The following TRAP1 variants were observed in gnomAD, a reference collection of about 807,000 sequenced individuals.
The protein encoded by TRAP1 is heat shock protein 75 kDa, mitochondrial.
Under a neutral mutation model 89.1 loss-of-function variants are expected in TRAP1, and 102 were observed. The observed-to-expected ratio is 1.15, with a 90% confidence interval of 0.98 to 1.35. The LOEUF is 1.35. Among genes scored for constraint, TRAP1 ranks in the 40% most tolerant of loss-of-function variants. The pLI is 0.00. For missense variants in TRAP1, 1,256 were observed against 945.3 expected, an observed-to-expected ratio of 1.33 and a Z score of -4.31; for synonymous variants, 508 against 388.0, an observed-to-expected ratio of 1.31 and a Z score of -3.64.
At chr16:3,712,260 G>A (rs147972001) in intron 1 of TRAP1, among the ~76,000 whole-genome samples, 1 of 111,656 alleles carries the variant, frequency 9.0e-6, no homozygotes, top group East Asian at 3.1e-4. Flanking sequence ...CTGCACTTCA[G>A]CCTGGCGACA....
intron 16 of TRAP1, chr16:3,659,720 T>C (rs1018561545): frequency 1.3e-5 from 2 of 151,682 alleles, no homozygotes; most frequent in African/African-American, 2.4e-5. Flanking sequence ...TTCCATTTCC[T>C]AACTGCATCC....
chr16:3,689,393 T>C (rs1013084671), intron 2 of TRAP1, among the ~76,000 whole-genome samples: 5 of 152,078 alleles, frequency 3.3e-5, no homozygotes, highest in African/African-American at 4.8e-5. Flanking sequence ...TACAGGTGCC[T>C]GCCACCACGC....
At chr16:3,662,747 G>C (rs1596689400) in intron 15 of TRAP1, 135 bp downstream of exon 15, 1 of 808,672 alleles carries the variant, frequency 1.2e-6, no homozygotes, top group Non-Finnish European at 2.1e-6. Context: ...GGACCCACAG[G>C]GTCTCCACCT....
At chr16:3,679,412 C>T (rs1168772082) in intron 5 of TRAP1, among the ~76,000 whole-genome samples, 1 of 152,144 alleles carries the variant, frequency 6.6e-6, no homozygotes, top group Non-Finnish European at 1.5e-5. Flanking sequence ...TTATAACTAA[C>T]CTAGAGACCA....
chr16:3,659,776 G>A (rs561521501), intron 16 of TRAP1: 1 of 149,686 alleles, frequency 6.7e-6, no homozygotes, highest in Admixed American at 6.7e-5. Flanking sequence ...TAGATAGATA[G>A]ATAGACTCTC....
chr16:3,664,457 C>T lies in TRAP1; in HGVS notation c.1386G>A (p.Glu462=), dbSNP rs144397127. 5.0e-6 allele frequency: 8 copies of T among 1,608,688 alleles called. No individual in the cohort carries two copies. The highest frequency in any genetic ancestry group is 6.8e-6 in the Non-Finnish European group (8 of 1,178,034). The change falls in exon 13 of 18, where the codon GAG becomes GAA. Residue 462 remains glutamate (E), a splice_region_variant and synonymous_variant. Coordinates refer to ENST00000246957, the MANE Select transcript of TRAP1 (RefSeq NM_016292.3). ...IVTATEQEVK[E]DIAKLLRYES... ...CGTAGCGCAGCAGCTTTGCTATGTC[C>T]TCCTAGAAGGGACGGGGCAGGTCAC...
At position 3,705,517 on chromosome 16, in the gene TRAP1, C is replaced by A. The variant is rs562204929; in HGVS notation, c.88+11904G>T. 5.9e-5 allele frequency among the ~76,000 whole-genome samples: 9 copies of A among 152,316 alleles called. No homozygotes were observed. The East Asian group carries it at 1.7e-3, about 29-fold the overall frequency. On this transcript the variant is annotated intron_variant, in intron 1 of 17. Transcript: ENST00000246957. ...TCTGGGCACTTCACAGAAATGAAATCATACAATATATGGTTTTTTGTCTGG... is the reference window on the plus strand; with the variant it reads ...TCTGGGCACTTCACAGAAATGAAATAATACAATATATGGTTTTTTGTCTGG...
chr16:3,682,274 G>T (rs760601975), intron 4 of TRAP1, among the ~76,000 whole-genome samples: 2 of 150,586 alleles, frequency 1.3e-5, no homozygotes, highest in Non-Finnish European at 2.9e-5. Flanking sequence ...CATAGGGCTG[G>T]ACACAACAGC....
At chr16:3,662,221 C>A in intron 15 of TRAP1, 89 bp from the exon 16 acceptor site, 1 of 1,494,072 alleles carries the variant, frequency 6.7e-7, no homozygotes, top group Non-Finnish European at 9.0e-7. Context: ...GTCACCCAGA[C>A]CACGAGGTAG....
At position 3,662,511 on chromosome 16, in the gene TRAP1, G is replaced by A. The variant is rs12932275; in HGVS notation, c.1794+371C>T. On this transcript the variant is annotated intron_variant, in intron 15 of 17. Transcript: ENST00000246957. The stretch of plus-strand genomic sequence containing the variant: ...TTGGTGGGGGGAGTCTTAGCTCTCT[G>A]AAGCCCACCCAAAACCCCCGACTAA... The A allele has an allele frequency of 9.5e-6, 5 of 526,086 alleles. 1 individual carries two copies. The highest frequency in any genetic ancestry group is 1.8e-5 in the Non-Finnish European group (5 of 281,872). The allele number at this position is 526,086 out of a possible 1,614,324, so 32.6% of individuals were successfully genotyped here.
At chr16:3,667,804 G>C (rs1015563940) in intron 11 of TRAP1, among the ~76,000 whole-genome samples, 6 of 149,884 alleles carry the variant, frequency 4.0e-5, no homozygotes, top group Non-Finnish European at 7.4e-5. Context: ...TGTCCCCCAG[G>C]CTGGAGTGCA....
chr16:3,710,779 A>G (rs555754804), intron 1 of TRAP1, among the ~76,000 whole-genome samples: 2 of 151,810 alleles, frequency 1.3e-5, no homozygotes, highest in Non-Finnish European at 2.9e-5. Flanking sequence ...TCTCAGCAGC[A>G]TTGCTGAATA....
intron 14 of TRAP1, 178 bp from the exon 15 acceptor site, chr16:3,663,145 G>A (rs1327976468): frequency 7.5e-6 from 5 of 663,654 alleles, no homozygotes; most frequent in Non-Finnish European, 1.3e-5. Context: ...GTTGCCTGAG[G>A]CCCATACAAC....
rs142173930 is a variant in TRAP1, at chr16:3,671,898, C to A, written c.1166-107G>T. 1.2e-5 allele frequency: 15 copies of A among 1,203,382 alleles called. No homozygotes were observed. The East Asian group carries it at 2.0e-4, about 16-fold the overall frequency. 74.5% of individuals were successfully genotyped at this position (1,203,382 alleles called of 1,614,324 possible). On this transcript the variant is annotated intron_variant, in intron 10 of 17. Coordinates refer to ENST00000246957, the MANE Select transcript of TRAP1 (RefSeq NM_016292.3). ...TTCAGGCCTGGCCTTCAACCCAGCA[C>A]GTGTGCTAAGAGGGAAGCAGGGAGG...
At chr16:3,667,304 G>A (rs1464567995) in intron 11 of TRAP1, among the ~76,000 whole-genome samples, 1 of 152,172 alleles carries the variant, frequency 6.6e-6, no homozygotes, top group African/African-American at 2.4e-5. Context: ...TTACATGGAG[G>A]GGGATTGGTC....
rs549075644 is a variant in TRAP1 at position 3,698,855 on chromosome 16, C to T, written c.89-7870G>A. Among the ~76,000 whole-genome samples the T allele has an allele frequency of 2.0e-5, 3 of 151,420 alleles. No homozygotes were observed. The South Asian group carries it at 6.3e-4, about 32-fold the overall frequency. ...GAGCCAAGATCACGCCACTGCATTT[C>T]AGGGTGGGAGATGCAGCCAGGCCCT... On this transcript the variant is annotated intron_variant, in intron 1 of 17. Coordinates refer to ENST00000246957, the MANE Select transcript of TRAP1 (RefSeq NM_016292.3).
chr16:3,716,256 T>C (rs926318326), intron 1 of TRAP1, among the ~76,000 whole-genome samples: 1 of 152,244 alleles, frequency 6.6e-6, no homozygotes, highest in Non-Finnish European at 1.5e-5. Context: ...AAAGGGGATA[T>C]AAATTGATAA....
chr16:3,688,978 T>G, intron 3 of TRAP1, 77 bp downstream of exon 3: 5 of 1,336,088 alleles, frequency 3.7e-6, no homozygotes, highest in Middle Eastern at 1.9e-4. Flanking sequence ...TATCTGGCAA[T>G]TCTCCAGAAT....
At chr16:3,686,188 G>C (rs756083645) in intron 3 of TRAP1, 52 bp from the exon 4 acceptor site, 16 of 1,590,090 alleles carry the variant, frequency 1.0e-5, no homozygotes, top group Non-Finnish European at 1.4e-5. Context: ...TCATCCTGCA[G>C]GATCTATCTG....
Sources: allele counts gnomAD v4.1 joint callset (sites outside exome capture counted in the v4.1 genomes callset), GRCh38; gene constraint gnomAD v4.1.1; transcripts MANE v1.5; gene names NCBI Gene and HGNC (gene_info 2026-07-23, HGNC 2026-07-21).